Variants in XPOT observed in about 807,000 individuals in gnomAD.
XPOT encodes exportin-T.
A neutral mutation model predicts 128.2 loss-of-function variants in XPOT; 34 were observed. That is an observed-to-expected ratio of 0.27 (90% confidence interval 0.20 to 0.35). The LOEUF (loss-of-function observed/expected upper bound fraction) is 0.35. XPOT is among the 10% of genes least tolerant of loss of function. The probability of loss-of-function intolerance (pLI) is 1.00; values close to 1 mark genes in which losing one functional copy is unlikely to be tolerated. For missense variants in XPOT, 838 were observed against 1,125.3 expected (o/e 0.74, Z 3.65); for synonymous variants, 348 against 394.3 (o/e 0.88, Z 1.39).
intron 24 of XPOT, 130 bp from the exon 25 acceptor site, chr12:64,447,975 A>G (rs2136043696): frequency 2.4e-6 from 2 of 819,374 alleles, no homozygotes; most frequent in East Asian, 5.0e-5. Flanking sequence ...ACATACGGAT[A>G]TATAAGGCAT....
At chr12:64,405,817 C>G (rs2039975585) in intron 1 of XPOT, among the ~76,000 whole-genome samples, 1 of 152,152 alleles carries the variant, frequency 6.6e-6, no homozygotes, top group Non-Finnish European at 1.5e-5. Context: ...GGAGTTTCAC[C>G]GTGTTAGCCA....
In XPOT at chr12:64,419,113, A is replaced by C. The variant is rs753838011; in HGVS notation, c.489+19A>C. 6.3e-7 allele frequency: 1 copy of C among 1,594,290 alleles called. No individual in the cohort carries two copies. The highest frequency in any genetic ancestry group is 1.1e-5 in the South Asian group (1 of 87,672). ...ATCAGAGGCAAGTAACTAACCATGA[A>C]TTTTTTATATTTAATGTAAGTTTTG... On this transcript the variant is annotated intron_variant, in intron 6 of 24. Transcript: ENST00000332707.
chr12:64,428,607 G>A (rs995047909), intron 16 of XPOT, among the ~76,000 whole-genome samples: 1 of 151,716 alleles, frequency 6.6e-6, no homozygotes, highest in African/African-American at 2.4e-5. Flanking sequence ...TTTGGTGTTG[G>A]GATTGGGCCA....
At chr12:64,423,886 T>G (rs2040166668) in intron 11 of XPOT, among the ~76,000 whole-genome samples, 1 of 151,962 alleles carries the variant, frequency 6.6e-6, no homozygotes, top group Non-Finnish European at 1.5e-5. Context: ...ATTGGCAGAG[T>G]GGAAATGAGG....
In XPOT at chr12:64,448,718, CTTTAG is replaced by C. The variant is rs1287691639; in HGVS notation, c.*591_*595del. The C allele has an allele frequency of 6.6e-6, 1 of 151,730 alleles. No homozygotes were observed. The highest frequency in any genetic ancestry group is 1.5e-5 in the Non-Finnish European group (1 of 67,954). 9.4% of individuals were successfully genotyped at this position (151,730 alleles called of 1,614,324 possible). On this transcript the variant is annotated 3_prime_UTR_variant, in exon 25 of 25. Transcript: ENST00000332707. ...GTCTTTTCTGGAATTATTATAAATA[CTTTAG>C]TTTTATTTTCTCATCTTAATCTCTC...
rs1398037958 is a variant in XPOT, at chr12:64,449,277, G to GT, written c.*1147dup. 6.6e-6 allele frequency: 1 copy of GT among 151,678 alleles called. No homozygotes were observed. Among genetic ancestry groups the GT allele is most frequent in the Admixed American group, 6.6e-5 (1 of 15,230 alleles). 9.4% of individuals were successfully genotyped at this position (151,678 alleles called of 1,614,324 possible). On this transcript the variant is annotated 3_prime_UTR_variant, in exon 25 of 25. Transcript: ENST00000332707. ...GTATTTAGAACACAGTATACCTATA[G>GT]TATACCTATGTGTTTATTATGTTTG... is the stretch of plus-strand genomic sequence containing the variant.
intron 2 of XPOT, among the ~76,000 whole-genome samples, chr12:64,411,629 A>G (rs2040039285): frequency 6.6e-6 from 1 of 152,208 alleles, no homozygotes; most frequent in African/African-American, 2.4e-5. Context: ...GCCAATCTGA[A>G]TAACAATTTA....
chr12:64,439,574 T>C (rs963499149), intron 23 of XPOT, among the ~76,000 whole-genome samples: 5 of 152,226 alleles, frequency 3.3e-5, no homozygotes, highest in Admixed American at 6.5e-5. Context: ...TTCAGTATAA[T>C]TGGCTTCTAT....
chr12:64,425,863 C>G lies in XPOT; in HGVS notation c.1621C>G (p.Arg541Gly). 6.2e-7 allele frequency: 1 copy of G among 1,614,040 alleles called. No homozygotes were observed. Among genetic ancestry groups the G allele is most frequent in the Non-Finnish European group, 8.5e-7 (1 of 1,180,008 alleles). The change falls in exon 15 of 25, where the codon CGG (arginine) becomes GGG (glycine). Residue 541 changes from arginine (R) to glycine (G), a missense_variant. Coordinates refer to ENST00000332707, the MANE Select transcript of XPOT (RefSeq NM_007235.6). The stretch of plus-strand genomic sequence containing the variant: ...TCTGCGGCATTCCAGTGCAAAAGTT[C>G]GGAGCAGGACGGCTTACCTGTTTTC... ...RGLRHSSAKV[R>G]SRTAYLFSRF...
intron 19 of XPOT, 94 bp from the exon 20 acceptor site, chr12:64,434,413 A>G: frequency 1.3e-6 from 1 of 781,706 alleles, no homozygotes; most frequent in Admixed American, 2.3e-5. Flanking sequence ...CCTGTAAATG[A>G]TTTTTGACTT....
At chr12:64,438,217 T>G (rs948901633) in intron 22 of XPOT, among the ~76,000 whole-genome samples, 1 of 152,218 alleles carries the variant, frequency 6.6e-6, no homozygotes, top group African/African-American at 2.4e-5. Context: ...AAACAATATT[T>G]TAAAGTGTTT....
intron 24 of XPOT, among the ~76,000 whole-genome samples, chr12:64,447,321 G>C (rs933956929): frequency 2.0e-5 from 3 of 152,206 alleles, no homozygotes; most frequent in Non-Finnish European, 4.4e-5. Flanking sequence ...ATGGATGGCA[G>C]CATGTAGTAC....
At position 64,424,625 on chromosome 12, in the gene XPOT, A is replaced by G; in HGVS notation, c.1209A>G (p.Glu403=). Reference sequence around the variant, plus strand: ...GTGAAGATGAAGCCATGTTTGTAGAATATAGAAAACAACTGAAGTTACTGT... The same window carrying G: ...GTGAAGATGAAGCCATGTTTGTAGAGTATAGAAAACAACTGAAGTTACTGT... The part of the protein sequence containing the change: ...NEGEDEAMFV[E]YRKQLKLLLD... The change falls in exon 12 of 25, where the codon GAA becomes GAG. Residue 403 remains glutamate, a synonymous_variant. Transcript: ENST00000332707. The G allele has an allele frequency of 6.2e-7, 1 of 1,612,120 alleles. No homozygotes were observed. The highest frequency in any genetic ancestry group is 1.1e-5 in the South Asian group (1 of 90,992).
rs1200935316 is a variant in XPOT at position 64,434,523 on chromosome 12, A to G, written c.2469A>G (p.Glu823=). 2 of 1,613,510 alleles carry G rather than the reference A, an allele frequency of 1.2e-6. No individual in the cohort carries two copies. ...TCTCCTCAGGTGCAGAGAATGTAGA[A>G]AGAGTGTTGGTTACTGTTATCCAAG... The part of the protein sequence containing the change: ...VIANQGAENV[E]RVLVTVIQGA... Residue 823 remains glutamate (E), a synonymous_variant, in exon 20 of 25, where the codon GAA becomes GAG. Coordinates refer to ENST00000332707, the MANE Select transcript of XPOT (RefSeq NM_007235.6).
intron 2 of XPOT, among the ~76,000 whole-genome samples, chr12:64,414,194 C>T (rs527651136): frequency 2.0e-5 from 3 of 152,290 alleles, no homozygotes; most frequent in East Asian, 3.9e-4. Flanking sequence ...TGGTAGAGAG[C>T]GTATGGACTT....
chr12:64,409,906 A>G (rs2040021325), intron 1 of XPOT, 56 bp from the exon 2 acceptor site: 2 of 717,906 alleles, frequency 2.8e-6, no homozygotes, highest in South Asian at 3.2e-5. Context: ...TATTCAGGAT[A>G]AGCATCTATT....
At chr12:64,421,566 C>A in intron 9 of XPOT, 95 bp downstream of exon 9, 1 of 762,970 alleles carries the variant, frequency 1.3e-6, no homozygotes, top group South Asian at 1.7e-5. Context: ...AGAAAATACC[C>A]ATAATTCTAC....
At chr12:64,410,384 G>A (rs369048247) in intron 2 of XPOT, among the ~76,000 whole-genome samples, 6 of 152,082 alleles carry the variant, frequency 3.9e-5, no homozygotes, top group Admixed American at 6.6e-5. Context: ...CAAAGGATTC[G>A]TTTAAGAGAC....
chr12:64,410,186 T>A, intron 2 of XPOT, 91 bp downstream of exon 2: 1 of 1,281,222 alleles, frequency 7.8e-7, no homozygotes, highest in Non-Finnish European at 1.1e-6. Flanking sequence ...AAAAGTTTAC[T>A]TTGGGTAGAA....
Sources: allele counts gnomAD v4.1 joint callset (sites outside exome capture counted in the v4.1 genomes callset), GRCh38; gene constraint gnomAD v4.1.1; transcripts MANE v1.5; gene names NCBI Gene and HGNC (gene_info 2026-07-23, HGNC 2026-07-21).